Variants in ATG5 observed in about 807,000 individuals in gnomAD.
ATG5 encodes the protein autophagy related 5, also known as autophagy protein 5.
In ATG5, 14 loss-of-function variants were observed where a neutral mutation model predicts 36.5. The observed-to-expected ratio is 0.38, with a 90% CI of 0.25 to 0.60. ATG5 has a LOEUF of 0.60. Ranked by LOEUF, ATG5 falls within the 20% of genes least tolerant of loss-of-function variation. The pLI is 0.60. For missense variants in ATG5, 195 were observed against 326.7 expected (o/e 0.60, Z 3.11); for synonymous variants, 95 against 101.5 (o/e 0.94, Z 0.38).
intron 1 of ATG5, among the ~76,000 whole-genome samples, chr6:106,323,282 T>C (rs1301099008): frequency 2.1e-5 from 3 of 144,752 alleles, no homozygotes; most frequent in Admixed American, 2.1e-4. Flanking sequence ...TTTTTTTTTT[T>C]TTTTAAAGAG....
intron 7 of ATG5, among the ~76,000 whole-genome samples, chr6:106,188,282 T>G (rs963843451): frequency 7.2e-5 from 11 of 152,240 alleles, no homozygotes; most frequent in African/African-American, 2.7e-4. Context: ...CTTAGAATAT[T>G]TGAAAACATT....
At chr6:106,234,186 A>G (rs1024358329) in intron 6 of ATG5, among the ~76,000 whole-genome samples, 1 of 152,132 alleles carries the variant, frequency 6.6e-6, no homozygotes, top group Non-Finnish European at 1.5e-5. Context: ...ACCCGGGTAC[A>G]TAGCACCCCT....
chr6:106,197,956 G>A (rs762206517), intron 7 of ATG5, among the ~76,000 whole-genome samples: 8 of 152,014 alleles, frequency 5.3e-5, no homozygotes, highest in Admixed American at 6.5e-5. Context: ...GTGCTGCCAC[G>A]GACAGGTAAG....
chr6:106,325,744 A>C lies in ATG5; in HGVS notation c.-277T>G, dbSNP rs564753971. 1 of 152,898 alleles carries C rather than the reference A, an allele frequency of 6.5e-6. No individual in the cohort carries two copies. The highest frequency in any genetic ancestry group is 2.4e-5 in the African/African-American group (1 of 41,462). 9.5% of individuals were successfully genotyped at this position (152,898 alleles called of 1,614,324 possible). A position where few individuals can be genotyped will look rare whatever the true frequency, so the allele number is the denominator to read the frequency against. Reference sequence around the variant, plus strand: ...ACTTCCGCCCTCTGGTATCCAGCGAATACAACCGGCAACGCTGCGGAGCCC... The same window carrying C: ...ACTTCCGCCCTCTGGTATCCAGCGACTACAACCGGCAACGCTGCGGAGCCC... On this transcript the variant is annotated 5_prime_UTR_variant, in exon 1 of 8. Coordinates refer to ENST00000369076, the MANE Select transcript of ATG5 (RefSeq NM_004849.4).
At chr6:106,274,026 A>G (rs1779550612) in intron 5 of ATG5, among the ~76,000 whole-genome samples, 1 of 152,230 alleles carries the variant, frequency 6.6e-6, no homozygotes. Context: ...GAAACACTGT[A>G]CACTTTTAAC....
chr6:106,235,109 T>G (rs1777843754), intron 6 of ATG5, among the ~76,000 whole-genome samples: 1 of 152,194 alleles, frequency 6.6e-6, no homozygotes, highest in Admixed American at 6.5e-5. Flanking sequence ...CACCAGACCC[T>G]GGGGCCTCCT....
At chr6:106,258,374 TA>T (rs535868742) in intron 5 of ATG5, among the ~76,000 whole-genome samples, 8 of 138,802 alleles carry the variant, frequency 5.8e-5, no homozygotes, top group Admixed American at 1.4e-4. Context: ...AGGCCCTGAA[TA>T]AAAAAAAAAG....
chr6:106,312,391 T>C (rs749599578), intron 2 of ATG5, among the ~76,000 whole-genome samples: 3 of 151,994 alleles, frequency 2.0e-5, no homozygotes, highest in Non-Finnish European at 2.9e-5. Flanking sequence ...CTAACATACA[T>C]AGTTTGAGCT....
intron 7 of ATG5, among the ~76,000 whole-genome samples, chr6:106,195,163 G>A (rs1334258838): frequency 1.1e-4 from 17 of 152,182 alleles, no homozygotes; most frequent in Admixed American, 9.2e-4. Context: ...CCTAAAGCAC[G>A]TATTCATAAA....
rs374329630 is a variant in ATG5, at chr6:106,187,597, A to C, written c.692-921T>G. On this transcript the variant is annotated intron_variant, in intron 7 of 7. Coordinates refer to ENST00000369076, the MANE Select transcript of ATG5 (RefSeq NM_004849.4). Reference sequence around the variant, plus strand: ...CCTTCTCTTCAAAATACAATGTCTAAACCTCTCAGCTTCCTGGTGACAGAA... The same window carrying C: ...CCTTCTCTTCAAAATACAATGTCTACACCTCTCAGCTTCCTGGTGACAGAA... Among the ~76,000 whole-genome samples, 9 of 152,280 alleles carry C rather than the reference A, an allele frequency of 5.9e-5. No individual in the cohort carries two copies. In the South Asian group the frequency reaches 1.5e-3, roughly 25 times the overall value.
chr6:106,214,013 GAATA>G (rs1466575765), intron 6 of ATG5, among the ~76,000 whole-genome samples: 13 of 152,086 alleles, frequency 8.5e-5, no homozygotes, highest in Admixed American at 8.5e-4. Flanking sequence ...TTGTTAATGA[GAATA>G]AATATTATGT....
rs920099996 is a variant in ATG5 at position 106,252,478 on chromosome 6, A to AT, written c.479-4235dup. On this transcript the variant is annotated intron_variant, in intron 5 of 7. Transcript: ENST00000369076. ...TTTTAAAACACCTGGAAAAAATGTT[A>AT]TTTTTTTTTTAATTTCAGAGCTCTC... Among the ~76,000 whole-genome samples, 73 of 149,752 alleles carry AT rather than the reference A, an allele frequency of 4.9e-4. 1 individual carries two copies. Among genetic ancestry groups the AT allele is most frequent in the South Asian group, 4.2e-3 (20 of 4,730 alleles).
chr6:106,194,317 A>G (rs1196133272), intron 7 of ATG5, among the ~76,000 whole-genome samples: 1 of 152,142 alleles, frequency 6.6e-6, no homozygotes, highest in Non-Finnish European at 1.5e-5. Flanking sequence ...TATTGCTCAA[A>G]TATTATCTCA....
intron 6 of ATG5, among the ~76,000 whole-genome samples, chr6:106,225,207 T>A (rs1777408812): frequency 6.6e-6 from 1 of 152,222 alleles, no homozygotes; most frequent in Admixed American, 6.5e-5. Flanking sequence ...ACGAGCCAAA[T>A]CACCTAGTTA....
intron 6 of ATG5, among the ~76,000 whole-genome samples, chr6:106,208,800 T>C (rs529633213): frequency 2.1e-4 from 32 of 152,234 alleles, no homozygotes; most frequent in Non-Finnish European, 4.1e-4. Context: ...GTCTATAATA[T>C]ATAAGAACTC....
intron 6 of ATG5, among the ~76,000 whole-genome samples, chr6:106,247,340 G>T (rs968879464): frequency 6.6e-6 from 1 of 152,014 alleles, no homozygotes; most frequent in African/African-American, 2.4e-5. Flanking sequence ...TTTAATATTT[G>T]CTAAATGTCA....
intron 6 of ATG5, among the ~76,000 whole-genome samples, chr6:106,212,059 G>A (rs545381900): frequency 1.3e-5 from 2 of 152,094 alleles, no homozygotes; most frequent in African/African-American, 4.8e-5. Flanking sequence ...AATTAGCAAA[G>A]TTCATTTATT....
chr6:106,228,504 C>T (rs1351214944), intron 6 of ATG5, among the ~76,000 whole-genome samples: 3 of 152,138 alleles, frequency 2.0e-5, no homozygotes, highest in South Asian at 2.1e-4. Context: ...TAACACTCAC[C>T]GCGTGGCCCA....
At chr6:106,322,053 ACACCATCCAAT>A (rs1416265817) in intron 1 of ATG5, among the ~76,000 whole-genome samples, 1 of 152,202 alleles carries the variant, frequency 6.6e-6, no homozygotes, top group Admixed American at 6.5e-5. Flanking sequence ...TACATACACT[ACACCATCCAAT>A]CACCATCCAA....
Sources: gnomAD v4.1 joint callset for allele counts (sites outside exome capture counted in the v4.1 genomes callset) on GRCh38, gnomAD v4.1.1 for gene constraint, MANE v1.5 for transcripts, NCBI Gene and HGNC (gene_info 2026-07-23, HGNC 2026-07-21) for gene names.